TMEM178B: variants seen among roughly 807,000 people sequenced by gnomAD.
TMEM178B encodes transmembrane protein 178B.
In TMEM178B, 5 loss-of-function variants were observed where a neutral mutation model predicts 31.0. That is an observed-to-expected ratio of 0.16 (90% confidence interval 0.08 to 0.34). The LOEUF is 0.34. Ranked by LOEUF, TMEM178B falls within the 10% of genes least tolerant of loss-of-function variation. TMEM178B has a pLI of 1.00. For missense variants in TMEM178B, 275 were observed against 400.3 expected, an observed-to-expected ratio of 0.69 and a Z score of 2.67; for synonymous variants, 164 against 164.0, an observed-to-expected ratio of 1.00 and a Z score of 0.00.
chr7:141,481,571 G>A (rs574198979), downstream of TMEM178B, among the ~76,000 whole-genome samples: 2 of 152,284 alleles, frequency 1.3e-5, no homozygotes, highest in African/African-American at 2.4e-5. Context: ...GAAGACCTGC[G>A]TGGATTTACT....
chr7:141,296,658 C>T (rs986161962), intron 2 of TMEM178B, among the ~76,000 whole-genome samples: 1 of 152,200 alleles, frequency 6.6e-6, no homozygotes, highest in Admixed American at 6.5e-5. Flanking sequence ...ATTTTAGATT[C>T]ACACGCGGTT....
At chr7:141,331,258 G>C (rs1341702672) in intron 2 of TMEM178B, among the ~76,000 whole-genome samples, 4 of 152,202 alleles carry the variant, frequency 2.6e-5, no homozygotes, top group Non-Finnish European at 5.9e-5. Flanking sequence ...CACCAAGGGA[G>C]TAAATGTAAG....
At chr7:141,290,817 C>T (rs1798533601) in intron 2 of TMEM178B, among the ~76,000 whole-genome samples, 1 of 152,210 alleles carries the variant, frequency 6.6e-6, no homozygotes, top group Non-Finnish European at 1.5e-5. Flanking sequence ...TCTTGGAAGG[C>T]AGGAGGCATA....
intron 1 of TMEM178B, among the ~76,000 whole-genome samples, chr7:141,184,231 T>C (rs1796573480): frequency 6.6e-6 from 1 of 152,222 alleles, no homozygotes; most frequent in African/African-American, 2.4e-5. Flanking sequence ...TTTTCACAGT[T>C]GCTTGGTATT....
At chr7:141,187,266 T>G (rs1796625503) in intron 1 of TMEM178B, among the ~76,000 whole-genome samples, 1 of 151,922 alleles carries the variant, frequency 6.6e-6, no homozygotes, top group African/African-American at 2.4e-5. Context: ...ACAAAGGACA[T>G]GAGCTCATCA....
chr7:141,336,969 C>T (rs1487535995), intron 2 of TMEM178B, among the ~76,000 whole-genome samples: 5 of 103,436 alleles, frequency 4.8e-5, no homozygotes, highest in East Asian at 2.7e-4. Context: ...ATCACTACCA[C>T]CACCACCACC....
intron 1 of TMEM178B, among the ~76,000 whole-genome samples, chr7:141,187,421 T>C (rs988299375): frequency 7.9e-5 from 12 of 152,168 alleles, no homozygotes; most frequent in African/African-American, 2.9e-4. Flanking sequence ...TGTGTCTTTG[T>C]AGCAGCATGA....
intron 2 of TMEM178B, among the ~76,000 whole-genome samples, chr7:141,328,025 G>A (rs1046645892): frequency 3.9e-5 from 6 of 152,156 alleles, no homozygotes; most frequent in African/African-American, 1.4e-4. Flanking sequence ...CTTGAGAAGT[G>A]GAGCAGTGAA....
At chr7:141,285,152 TTC>T (rs1554471678) in intron 2 of TMEM178B, among the ~76,000 whole-genome samples, 27,113 of 95,024 alleles carry the variant, frequency 0.29, 5,577 homozygotes, top group Non-Finnish European at 0.34. Context: ...GGATTCTTGT[TTC>T]TTTTTTTTTT....
At chr7:141,138,902 T>G (rs1201103381) in intron 1 of TMEM178B, among the ~76,000 whole-genome samples, 2 of 151,692 alleles carry the variant, frequency 1.3e-5, no homozygotes, top group African/African-American at 4.8e-5. Context: ...GAGAATGGTG[T>G]GAACCCGGGA....
Position 141,097,823 on chromosome 7 carries a change from C to T in TMEM178B, c.382+23131C>T, listed in dbSNP as rs572014730. 3.2e-4 allele frequency among the ~76,000 whole-genome samples: 42 copies of T among 129,720 alleles called. 1 individual carries two copies. In the South Asian group the frequency reaches 9.3e-3, roughly 29 times the overall value. The allele number at this position is 129,720 out of a possible 152,430, so 85.1% of individuals were successfully genotyped here. A position where few individuals can be genotyped will look rare whatever the true frequency, so the allele number is the denominator to read the frequency against. On this transcript the variant is annotated intron_variant, in intron 1 of 3. Coordinates refer to ENST00000565468, the MANE Select transcript of TMEM178B (RefSeq NM_001195278.2). Reference sequence around the variant, plus strand: ...TTTTTTTTTTTTTGAGACAAAGTCTCACTTTGTCACCCAGGATGGAGTGCA... The same window carrying T: ...TTTTTTTTTTTTTGAGACAAAGTCTTACTTTGTCACCCAGGATGGAGTGCA...
intron 1 of TMEM178B, among the ~76,000 whole-genome samples, chr7:141,208,704 A>G (rs1212234165): frequency 2.6e-5 from 4 of 152,184 alleles, no homozygotes; most frequent in African/African-American, 9.6e-5. Flanking sequence ...CTGAATGTCA[A>G]GGGCCTCTTC....
intron 2 of TMEM178B, among the ~76,000 whole-genome samples, chr7:141,368,647 G>A (rs902900730): frequency 2.0e-5 from 3 of 152,142 alleles, no homozygotes; most frequent in Admixed American, 6.5e-5. Flanking sequence ...GATTTTTCCC[G>A]ATGGATCTGT....
chr7:141,142,390 ATTTTCTT>A (rs1039552522), intron 1 of TMEM178B, among the ~76,000 whole-genome samples: 3 of 149,008 alleles, frequency 2.0e-5, no homozygotes, highest in African/African-American at 7.4e-5. Flanking sequence ...AGAACAATTT[ATTTTCTT>A]TTTTCTTTTC....
At chr7:141,448,740 T>C (rs1801806990) in intron 3 of TMEM178B, among the ~76,000 whole-genome samples, 1 of 152,186 alleles carries the variant, frequency 6.6e-6, no homozygotes, top group Non-Finnish European at 1.5e-5. Context: ...ACAGCCATGC[T>C]GGACATGTCC....
intron 2 of TMEM178B, among the ~76,000 whole-genome samples, chr7:141,332,954 T>G (rs1799322127): frequency 6.6e-6 from 1 of 152,222 alleles, no homozygotes; most frequent in Admixed American, 6.5e-5. Flanking sequence ...CTCCTTTTGC[T>G]CACACCAAGA....
chr7:141,273,204 A>G (rs1375326316), intron 2 of TMEM178B, among the ~76,000 whole-genome samples: 1 of 152,218 alleles, frequency 6.6e-6, no homozygotes, highest in Admixed American at 6.5e-5. Context: ...TAGTAGAATG[A>G]TGGTCACCAG....
Position 141,476,228 on chromosome 7 carries a change from ATTC to A in TMEM178B, c.*5446_*5448del, listed in dbSNP as rs1802362503. On this transcript the variant is annotated 3_prime_UTR_variant, in exon 4 of 4. Transcript: ENST00000565468. The stretch of plus-strand genomic sequence containing the variant: ...CACTTAAGCACACTTAAAGGATTCT[ATTC>A]TTCATTCAGGTCCCCCAGAGAAATT... 1 of 152,302 alleles carries A rather than the reference ATTC, an allele frequency of 6.6e-6. No homozygotes were observed. Among genetic ancestry groups the A allele is most frequent in the East Asian group, 1.9e-4 (1 of 5,178 alleles). 9.4% of individuals were successfully genotyped at this position (152,302 alleles called of 1,614,324 possible). A position where few individuals can be genotyped will look rare whatever the true frequency, so the allele number is the denominator to read the frequency against.
chr7:141,494,719 T>C, the TMEM178B span, among the ~76,000 whole-genome samples: 1 of 152,194 alleles, frequency 6.6e-6, no homozygotes, highest in Admixed American at 6.5e-5. Flanking sequence ...GCCTGGGCAA[T>C]GTAGTAAAAC....
Sources: allele counts gnomAD v4.1 joint callset (sites outside exome capture counted in the v4.1 genomes callset), GRCh38; gene constraint gnomAD v4.1.1; transcripts MANE v1.5; gene names NCBI Gene and HGNC (gene_info 2026-07-23, HGNC 2026-07-21).